CDYL: variants seen among roughly 807,000 people sequenced by gnomAD.
CDYL encodes chromodomain Y-like protein.
CDYL carries 8 observed loss-of-function variants against 47.3 expected under a neutral mutation model. The observed-to-expected ratio is 0.17, with a 90% CI of 0.10 to 0.31. The LOEUF (loss-of-function observed/expected upper bound fraction) is 0.31. CDYL is among the 10% of genes least tolerant of loss of function. CDYL has a pLI of 1.00. For synonymous variants in CDYL, 266 were observed against 265.0 expected (o/e 1.00, Z -0.04); for missense variants, 471 against 701.4 (o/e 0.67, Z 3.71).
At chr6:4,876,624 C>G (rs916572813) in intron 1 of CDYL, among the ~76,000 whole-genome samples, 1 of 152,144 alleles carries the variant, frequency 6.6e-6, no homozygotes, top group African/African-American at 2.4e-5. Context: ...ATATTCAGCA[C>G]TTTTTAATGT....
Position 4,752,836 on chromosome 6 carries a change from A to ATGTG in CDYL, c.186+18010_186+18013dup, listed in dbSNP as rs35686534. On this transcript the variant is annotated intron_variant, in intron 3 of 8. Coordinates refer to the CDYL transcript ENST00000328908. ...TCTTTCATGTCTGCAAAGGAAAATA[A>ATGTG]TGTGTGTGTGTGTGTGTGTGTTTGT... Among the ~76,000 whole-genome samples the ATGTG allele has an allele frequency of 8.3e-3, 1,237 of 148,832 alleles. 8 individuals carry two copies. The highest frequency in any genetic ancestry group is 0.017 in the Middle Eastern group (5 of 290).
At chr6:4,909,448 T>C (rs374264999) in intron 2 of CDYL, among the ~76,000 whole-genome samples, 40 of 152,242 alleles carry the variant, frequency 2.6e-4, no homozygotes, top group Admixed American at 7.2e-4. Flanking sequence ...TCAGTCTTTA[T>C]TGCCTTTTTC....
chr6:4,844,946 T>C (rs1760610683), intron 1 of CDYL, among the ~76,000 whole-genome samples: 1 of 152,344 alleles, frequency 6.6e-6, no homozygotes, highest in South Asian at 2.1e-4. Context: ...TTTTTCATTC[T>C]TTTGAATCTT....
intron 5 of CDYL, 86 bp downstream of exon 5, chr6:4,943,842 C>T (rs938418404): frequency 2.9e-6 from 3 of 1,017,930 alleles, no homozygotes; most frequent in Non-Finnish European, 2.9e-6. Flanking sequence ...TTTTCTAAAG[C>T]TGTACAGTGT....
chr6:4,807,652 G>A (rs1759410782), intron 1 of CDYL, among the ~76,000 whole-genome samples: 1 of 131,808 alleles, frequency 7.6e-6, no homozygotes, highest in Non-Finnish European at 1.6e-5. Context: ...CATCCAGGCT[G>A]GAGTGCAGTG....
intron 1 of CDYL, among the ~76,000 whole-genome samples, chr6:4,843,923 T>C (rs971259359): frequency 6.6e-6 from 1 of 152,168 alleles, no homozygotes; most frequent in South Asian, 2.1e-4. Context: ...TGACCCAGAA[T>C]TGCTTTTCTG....
At chr6:4,778,321 T>G (rs536788108) in intron 1 of CDYL, among the ~76,000 whole-genome samples, 89 of 152,358 alleles carry the variant, frequency 5.8e-4, no homozygotes, top group Non-Finnish European at 4.4e-5. Context: ...GTTCCATCAG[T>G]GGATGAGAGT....
At chr6:4,740,222 T>C (rs1757773050) in intron 3 of CDYL, among the ~76,000 whole-genome samples, 1 of 152,176 alleles carries the variant, frequency 6.6e-6, no homozygotes, top group South Asian at 2.1e-4. Flanking sequence ...TGGTGGCTTC[T>C]CCTCATCCCA....
chr6:4,823,544 GTTGTAT>G (rs1759897570), intron 1 of CDYL, among the ~76,000 whole-genome samples: 1 of 152,102 alleles, frequency 6.6e-6, no homozygotes, highest in Non-Finnish European at 1.5e-5. Context: ...TAATCACAAT[GTTGTAT>G]TTGTATCTCC....
At chr6:4,793,693 G>A (rs1758991810) in intron 1 of CDYL, among the ~76,000 whole-genome samples, 1 of 152,216 alleles carries the variant, frequency 6.6e-6, no homozygotes, top group Non-Finnish European at 1.5e-5. Context: ...GGCAAAGGAT[G>A]ATGGTGGTTT....
chr6:4,707,635 C>T (rs1423975432), intron 1 of CDYL, among the ~76,000 whole-genome samples: 1 of 152,192 alleles, frequency 6.6e-6, no homozygotes, highest in Non-Finnish European at 1.5e-5. Context: ...CCTGGGCATT[C>T]AAGACCTTAA....
At chr6:4,810,775 C>G (rs780835760) in intron 1 of CDYL, among the ~76,000 whole-genome samples, 1 of 152,210 alleles carries the variant, frequency 6.6e-6, no homozygotes, top group Admixed American at 6.5e-5. Context: ...GTGGAAGGGA[C>G]TAGCCAGGTC....
intron 3 of CDYL, among the ~76,000 whole-genome samples, chr6:4,738,591 A>T (rs1757743216): frequency 6.6e-6 from 1 of 152,224 alleles, no homozygotes. Context: ...TGGGAATGCA[A>T]ATTTATTCAA....
At chr6:4,933,295 G>A (rs183671671) in intron 2 of CDYL, among the ~76,000 whole-genome samples, 1 of 152,294 alleles carries the variant, frequency 6.6e-6, no homozygotes, top group Non-Finnish European at 1.5e-5. Flanking sequence ...TTTGGGCTAT[G>A]CACATCTCCA....
intron 1 of CDYL, among the ~76,000 whole-genome samples, chr6:4,889,649 T>C: frequency 6.6e-6 from 1 of 152,208 alleles, no homozygotes; most frequent in East Asian, 1.9e-4. Flanking sequence ...TTTAATGCCA[T>C]TTCATTCATT....
intron 1 of CDYL, among the ~76,000 whole-genome samples, chr6:4,806,519 T>C (rs1759374821): frequency 6.6e-6 from 1 of 152,232 alleles, no homozygotes; most frequent in African/African-American, 2.4e-5. Context: ...TCCAACTTCC[T>C]GAGTGTTAAC....
rs111349102 is a variant in CDYL at position 4,748,656 on chromosome 6, G to GACACACACACACACAC, written c.186+13822_186+13837dup. On this transcript the variant is annotated intron_variant, in intron 3 of 8. Coordinates refer to the CDYL transcript ENST00000328908. ...GTTGGATGGAGAGACTGATGGCAAAGACACACACACACACACACACACACA... is the reference window on the plus strand; with the variant it reads ...GTTGGATGGAGAGACTGATGGCAAAGACACACACACACACACACACACACACACACACACACACACA... Among the ~76,000 whole-genome samples, 5 of 146,158 alleles carry GACACACACACACACAC rather than the reference G, an allele frequency of 3.4e-5. No individual in the cohort carries two copies. The East Asian group carries it at 6.2e-4, about 18-fold the overall frequency.
At chr6:4,754,872 A>T (rs935987237) in intron 3 of CDYL, among the ~76,000 whole-genome samples, 1 of 152,082 alleles carries the variant, frequency 6.6e-6, no homozygotes, top group Non-Finnish European at 1.5e-5. Flanking sequence ...TCCTGAAATC[A>T]CTCTGAAATG....
intron 1 of CDYL, among the ~76,000 whole-genome samples, chr6:4,786,805 T>C (rs974598774): frequency 6.6e-6 from 1 of 152,196 alleles, no homozygotes; most frequent in African/African-American, 2.4e-5. Flanking sequence ...CTCCATGTCT[T>C]CCAGGAAGTT....
Sources: allele counts gnomAD v4.1 joint callset (sites outside exome capture counted in the v4.1 genomes callset), GRCh38; gene constraint gnomAD v4.1.1; transcripts MANE v1.5; gene names NCBI Gene and HGNC (gene_info 2026-07-23, HGNC 2026-07-21).